ZFHX3: variants seen among roughly 807,000 people sequenced by gnomAD.
ZFHX3 encodes zinc finger homeobox protein 3.
ZFHX3 carries 42 observed loss-of-function variants against 279.1 expected under a neutral mutation model. That is an observed-to-expected ratio of 0.15 (90% CI 0.12 to 0.19). ZFHX3 has a LOEUF of 0.19. ZFHX3 is among the 10% of genes least tolerant of loss of function. ZFHX3 has a pLI of 1.00. For synonymous variants in ZFHX3, 2,293 were observed against 1,957.8 expected (o/e 1.17, Z -4.52); for missense variants, 4,981 against 4,754.0 (o/e 1.05, Z -1.40).
In ZFHX3 at chr16:73,889,211, G is replaced by A. The variant is rs556224726; in HGVS notation, c.-1608+2440C>T. Among the ~76,000 whole-genome samples the A allele has an allele frequency of 2.4e-3, 361 of 152,320 alleles. 2 individuals carry two copies. Among genetic ancestry groups the A allele is most frequent in the African/African-American group, 8.3e-3 (345 of 41,578 alleles). On this transcript the variant is annotated intron_variant, in intron 1 of 17. Coordinates refer to the ZFHX3 transcript ENST00000641206. ...GAGGCCACAGTGCTACCTGGGGACA[G>A]ATGGGAATAAGGACACAGGTGCGGC...
At chr16:73,724,702 C>T (rs150803909) in intron 1 of ZFHX3, among the ~76,000 whole-genome samples, 23 of 152,320 alleles carry the variant, frequency 1.5e-4, no homozygotes, top group African/African-American at 2.6e-4. Flanking sequence ...GCAACTTCCT[C>T]GGTTTTGGCT....
At chr16:73,280,413 T>A (rs1259919916) in intron 4 of ZFHX3, among the ~76,000 whole-genome samples, 1 of 151,998 alleles carries the variant, frequency 6.6e-6, no homozygotes, top group Non-Finnish European at 1.5e-5. Flanking sequence ...AGCAAAAAAA[T>A]GCACAAATGA....
intron 1 of ZFHX3, among the ~76,000 whole-genome samples, chr16:73,877,319 T>C (rs1020872555): frequency 6.6e-6 from 1 of 152,160 alleles, no homozygotes; most frequent in East Asian, 1.9e-4. Context: ...CATTAGATTC[T>C]TCATGCAATT....
At chr16:73,603,070 G>A (rs2052138411) in intron 2 of ZFHX3, among the ~76,000 whole-genome samples, 1 of 152,114 alleles carries the variant, frequency 6.6e-6, no homozygotes, top group South Asian at 2.1e-4. Flanking sequence ...TGGATCACGA[G>A]GTCAGGAGAT....
intron 3 of ZFHX3, among the ~76,000 whole-genome samples, chr16:73,339,848 G>A (rs559135389): frequency 3.3e-5 from 5 of 152,308 alleles, no homozygotes; most frequent in Non-Finnish European, 7.3e-5. Flanking sequence ...GTGAAAGAAA[G>A]GTAGCAGCTG....
At chr16:73,265,017 T>A (rs1453435815) in intron 4 of ZFHX3, among the ~76,000 whole-genome samples, 2 of 140,312 alleles carry the variant, frequency 1.4e-5, no homozygotes, top group East Asian at 3.9e-4. Flanking sequence ...CCTCAGTGCA[T>A]ATATATATAT....
At chr16:73,563,111 G>A (rs1466872843) in intron 2 of ZFHX3, among the ~76,000 whole-genome samples, 1 of 151,940 alleles carries the variant, frequency 6.6e-6, no homozygotes, top group Admixed American at 6.6e-5. Flanking sequence ...AAGGGAGGAG[G>A]TGCTAAAGGA....
intron 1 of ZFHX3, among the ~76,000 whole-genome samples, chr16:73,000,981 T>C (rs990315953): frequency 1.3e-5 from 2 of 152,142 alleles, no homozygotes; most frequent in African/African-American, 2.4e-5. Flanking sequence ...AGCCAGATCC[T>C]CCAATCCCAC....
intron 4 of ZFHX3, among the ~76,000 whole-genome samples, chr16:72,874,431 T>C (rs1035046330): frequency 6.6e-6 from 1 of 151,970 alleles, no homozygotes; most frequent in African/African-American, 2.4e-5. Context: ...TGCGATCTCC[T>C]GACCTCGTGA....
chr16:72,919,037 A>G (rs561155792), intron 3 of ZFHX3, among the ~76,000 whole-genome samples: 2 of 151,794 alleles, frequency 1.3e-5, no homozygotes, highest in Non-Finnish European at 2.9e-5. Flanking sequence ...TGCTGGGTTC[A>G]GTGTGTTCCC....
intron 5 of ZFHX3, among the ~76,000 whole-genome samples, chr16:73,203,888 C>G (rs562762811): frequency 1.3e-5 from 2 of 152,284 alleles, no homozygotes; most frequent in African/African-American, 4.8e-5. Flanking sequence ...TGGTGAGTTT[C>G]AGACTGGTAT....
chr16:72,877,782 C>T (rs574801193), intron 4 of ZFHX3, among the ~76,000 whole-genome samples: 32 of 152,326 alleles, frequency 2.1e-4, no homozygotes, highest in Admixed American at 1.8e-3. Context: ...CAACTCAGGC[C>T]CCTCCTCCTT....
At chr16:73,339,919 G>T (rs1323015375) in intron 3 of ZFHX3, among the ~76,000 whole-genome samples, 1 of 152,184 alleles carries the variant, frequency 6.6e-6, no homozygotes, top group Non-Finnish European at 1.5e-5. Context: ...ATTCAGCAGT[G>T]CTCGACAAAC....
At chr16:73,397,375 G>A (rs1473149223) in intron 3 of ZFHX3, among the ~76,000 whole-genome samples, 1 of 152,200 alleles carries the variant, frequency 6.6e-6, no homozygotes, top group African/African-American at 2.4e-5. Context: ...GAGGGTCACT[G>A]GGTGAGGTTG....
Position 72,959,600 on chromosome 16 carries a change from C to A in ZFHX3, c.546G>T (p.Gly182=). The change falls in exon 2 of 10, where the codon GGG becomes GGT. Residue 182 remains glycine (G), a synonymous_variant. Coordinates refer to ENST00000268489, the MANE Select transcript of ZFHX3 (RefSeq NM_006885.4). ...NSLPGAGGKQ[G]DPSCAAPVYP... ...ACACGGGTGCAGCACACGAAGGGTC[C>A]CCTTGCTTGCCCCCCGCGCCAGGGA... is the stretch of plus-strand genomic sequence containing the variant. 1 of 1,614,166 alleles carries A rather than the reference C, an allele frequency of 6.2e-7. No homozygotes were observed. Among genetic ancestry groups the A allele is most frequent in the Non-Finnish European group, 8.5e-7 (1 of 1,180,046 alleles).
At chr16:72,979,530 G>A (rs1005805776) in intron 1 of ZFHX3, among the ~76,000 whole-genome samples, 8 of 152,138 alleles carry the variant, frequency 5.3e-5, no homozygotes, top group African/African-American at 1.9e-4. Context: ...ATTTTACATG[G>A]ACCAGTGATG....
At chr16:73,740,606 C>T (rs542461156) in intron 1 of ZFHX3, among the ~76,000 whole-genome samples, 1 of 152,260 alleles carries the variant, frequency 6.6e-6, no homozygotes, top group South Asian at 2.1e-4. Flanking sequence ...TTTTACCATG[C>T]TTTGAATGCC....
At chr16:73,432,935 G>A (rs754885790) in intron 3 of ZFHX3, among the ~76,000 whole-genome samples, 1 of 152,164 alleles carries the variant, frequency 6.6e-6, no homozygotes, top group Non-Finnish European at 1.5e-5. Flanking sequence ...GATCATTGCA[G>A]TACCAACTAG....
chr16:73,622,376 G>A (rs907524434), intron 2 of ZFHX3, among the ~76,000 whole-genome samples: 1 of 152,122 alleles, frequency 6.6e-6, no homozygotes, highest in African/African-American at 2.4e-5. Context: ...GGCTAACAAG[G>A]TGAAACCCTG....
Sources: allele counts gnomAD v4.1 joint callset (sites outside exome capture counted in the v4.1 genomes callset), GRCh38; gene constraint gnomAD v4.1.1; transcripts MANE v1.5; gene names NCBI Gene and HGNC (gene_info 2026-07-23, HGNC 2026-07-21).